The following MEI4 variants were observed in gnomAD, a reference collection of about 807,000 sequenced individuals.
The protein encoded by MEI4 is meiosis-specific protein MEI4.
In MEI4, 27 loss-of-function variants were observed where a neutral mutation model predicts 31.4. The observed-to-expected ratio is 0.86, with a 90% CI of 0.63 to 1.19. The LOEUF is 1.19. Ranked by LOEUF, MEI4 falls within the 50% of genes most tolerant of loss-of-function variation. MEI4 has a pLI of 0.00. For synonymous variants in MEI4, 122 were observed against 145.4 expected, an observed-to-expected ratio of 0.84 and a Z score of 1.16; for missense variants, 329 against 398.9, an observed-to-expected ratio of 0.82 and a Z score of 1.49.
chr6:77,736,722 G>A (rs1331068838), intron 2 of MEI4, among the ~76,000 whole-genome samples: 1 of 152,066 alleles, frequency 6.6e-6, no homozygotes, highest in African/African-American at 2.4e-5. Flanking sequence ...TAAAGTTTAA[G>A]CCCTGCCCAT....
chr6:77,767,411 T>A, intron 3 of MEI4, among the ~76,000 whole-genome samples: 1 of 150,608 alleles, frequency 6.6e-6, no homozygotes, highest in East Asian at 2.0e-4. Context: ...AATAAATAAA[T>A]AAGTCAGGCA....
intron 1 of MEI4, among the ~76,000 whole-genome samples, chr6:77,686,978 C>T (rs1004937645): frequency 2.7e-5 from 4 of 149,444 alleles, no homozygotes; most frequent in South Asian, 4.3e-4. Flanking sequence ...AGAAAATTAG[C>T]GAGTTGATAG....
chr6:77,880,579 A>G (rs1374559441), intron 4 of MEI4, among the ~76,000 whole-genome samples: 1 of 152,234 alleles, frequency 6.6e-6, no homozygotes, highest in Admixed American at 6.5e-5. Flanking sequence ...AGTTAAACAT[A>G]AAAGTATGAG....
In MEI4 at chr6:77,926,804, A is replaced by G. The variant is rs1766854800; in HGVS notation, c.*3458A>G. 1 of 151,994 alleles carries G rather than the reference A, an allele frequency of 6.6e-6. No homozygotes were observed. Among genetic ancestry groups the G allele is most frequent in the Non-Finnish European group, 1.5e-5 (1 of 67,940 alleles). The allele number at this position is 151,994 out of a possible 1,614,324, so 9.4% of individuals were successfully genotyped here. Reference sequence around the variant, plus strand: ...CAAGCTTTCTCTTAGCAGTCAATATAATGACCCAACTACATCAATATTTGC... The same window carrying G: ...CAAGCTTTCTCTTAGCAGTCAATATGATGACCCAACTACATCAATATTTGC... On this transcript the variant is annotated 3_prime_UTR_variant, in exon 5 of 5. Coordinates refer to ENST00000684080, the MANE Select transcript of MEI4 (RefSeq NM_001322247.2).
chr6:77,861,513 A>G (rs1176880396), intron 4 of MEI4, among the ~76,000 whole-genome samples: 1 of 152,232 alleles, frequency 6.6e-6, no homozygotes, highest in African/African-American at 2.4e-5. Context: ...TCAGGCATTT[A>G]ATAAGATTTA....
At chr6:77,658,162 T>C (rs757963773) in intron 1 of MEI4, among the ~76,000 whole-genome samples, 14 of 152,102 alleles carry the variant, frequency 9.2e-5, no homozygotes, top group South Asian at 2.1e-4. Flanking sequence ...TTATAGGTTT[T>C]GGGATAGGCG....
chr6:77,908,708 T>G (rs1357128260), intron 4 of MEI4, among the ~76,000 whole-genome samples: 1 of 152,106 alleles, frequency 6.6e-6, no homozygotes, highest in Non-Finnish European at 1.5e-5. Flanking sequence ...TCTTAGTCTC[T>G]GATAAAACAG....
chr6:77,678,317 C>T (rs1768882984), intron 1 of MEI4, among the ~76,000 whole-genome samples: 1 of 152,156 alleles, frequency 6.6e-6, no homozygotes, highest in Admixed American at 6.5e-5. Flanking sequence ...AGCTTGAGGC[C>T]AGTTTTTGAC....
At chr6:77,831,917 A>G (rs1770093000) in intron 4 of MEI4, among the ~76,000 whole-genome samples, 1 of 152,068 alleles carries the variant, frequency 6.6e-6, no homozygotes, top group African/African-American at 2.4e-5. Flanking sequence ...AGAAGTGAAG[A>G]ATTGTAATGT....
intron 2 of MEI4, among the ~76,000 whole-genome samples, chr6:77,750,122 G>A (rs1354159181): frequency 4.6e-5 from 7 of 152,076 alleles, no homozygotes; most frequent in Middle Eastern, 3.2e-3. Flanking sequence ...TGAATGAAGC[G>A]CTAAACATGG....
intron 1 of MEI4, among the ~76,000 whole-genome samples, chr6:77,689,995 T>A (rs1160932856): frequency 6.6e-6 from 1 of 152,004 alleles, no homozygotes; most frequent in Admixed American, 6.6e-5. Context: ...ATTTTAAGAC[T>A]GTGACACACT....
Position 77,923,247 on chromosome 6 carries a change from T to TA in MEI4, c.1060dup (p.Ile354AsnfsTer6). On this transcript the variant is annotated frameshift_variant, in exon 5 of 5. Transcript: ENST00000684080. LOFTEE classifies it high-confidence loss of function. ...AATTTCTTCAGAAGCATGATGAAAC[T>TA]ATTTTCCAACTTTCTGATGCATTTC... 3 of 1,230,554 alleles carry TA rather than the reference T, an allele frequency of 2.4e-6. No homozygotes were observed. The allele number at this position is 1,230,554 out of a possible 1,614,324, so 76.2% of individuals were successfully genotyped here. A position where few individuals can be genotyped will look rare whatever the true frequency, so the allele number is the denominator to read the frequency against.
chr6:77,850,844 C>G (rs1401195829), intron 4 of MEI4, among the ~76,000 whole-genome samples: 2 of 152,104 alleles, frequency 1.3e-5, no homozygotes, highest in East Asian at 3.9e-4. Flanking sequence ...TCAGAGTGAA[C>G]AGGCAACCTA....
intron 4 of MEI4, among the ~76,000 whole-genome samples, chr6:77,853,367 T>C (rs923913219): frequency 6.6e-6 from 1 of 152,164 alleles, no homozygotes; most frequent in African/African-American, 2.4e-5. Flanking sequence ...GATAAAAAAC[T>C]TTTAAGGAGT....
chr6:77,800,608 G>A (rs894150218), intron 3 of MEI4, among the ~76,000 whole-genome samples: 41 of 152,314 alleles, frequency 2.7e-4, no homozygotes, highest in African/African-American at 9.4e-4. Flanking sequence ...TGCCCATTCA[G>A]TATGATATTG....
intron 4 of MEI4, among the ~76,000 whole-genome samples, chr6:77,920,203 G>T (rs1766670644): frequency 1.3e-5 from 2 of 151,636 alleles, no homozygotes; most frequent in Admixed American, 1.3e-4. Flanking sequence ...CCAAAAAAGA[G>T]AATTTTAGAC....
At chr6:77,839,277 T>G (rs926750533) in intron 4 of MEI4, among the ~76,000 whole-genome samples, 1 of 152,052 alleles carries the variant, frequency 6.6e-6, no homozygotes, top group African/African-American at 2.4e-5. Context: ...TGGTGAAAAC[T>G]CAGAAAAAAT....
At chr6:77,814,163 A>T (rs1270316762) in intron 3 of MEI4, among the ~76,000 whole-genome samples, 1 of 152,088 alleles carries the variant, frequency 6.6e-6, no homozygotes, top group Admixed American at 6.6e-5. Flanking sequence ...CATCTCAGTA[A>T]GGGAGAGTTA....
At chr6:77,650,940 C>T (rs972148972), upstream of MEI4, among the ~76,000 whole-genome samples, 2 of 152,156 alleles carry the variant, frequency 1.3e-5, no homozygotes, top group East Asian at 3.9e-4. Flanking sequence ...ATTCAGTGAG[C>T]AGATCTTTTT....
Sources: allele counts gnomAD v4.1 joint callset (sites outside exome capture counted in the v4.1 genomes callset), GRCh38; gene constraint gnomAD v4.1.1; transcripts MANE v1.5; gene names NCBI Gene and HGNC (gene_info 2026-07-23, HGNC 2026-07-21).